Variants in CTNNA2 observed in about 807,000 individuals in gnomAD.
CTNNA2 encodes the protein catenin alpha-2.
Under a neutral mutation model 101.0 loss-of-function variants are expected in CTNNA2, and 42 were observed. That is an observed-to-expected ratio of 0.42 (90% CI 0.32 to 0.54). CTNNA2 has a LOEUF of 0.54. Among genes scored for constraint, CTNNA2 ranks in the 20% least tolerant of loss-of-function variants. The pLI, the probability that CTNNA2 is intolerant of heterozygous loss-of-function variation, is 0.14. For missense variants in CTNNA2, 871 were observed against 1,223.1 expected (o/e 0.71, Z 4.29); for synonymous variants, 450 against 456.4 (o/e 0.99, Z 0.18).
At chr2:80,521,612 C>T (rs1013900556) in intron 9 of CTNNA2, among the ~76,000 whole-genome samples, 3 of 152,134 alleles carry the variant, frequency 2.0e-5, no homozygotes, top group African/African-American at 7.2e-5. Flanking sequence ...GAGAGAAAGA[C>T]TTCACTAGCC....
intron 6 of CTNNA2, among the ~76,000 whole-genome samples, chr2:79,880,816 C>T (rs1683371634): frequency 6.6e-6 from 1 of 151,620 alleles, no homozygotes. Flanking sequence ...GTCTCTGTCT[C>T]CTTCAATTCT....
intron 8 of CTNNA2, among the ~76,000 whole-genome samples, chr2:80,403,229 C>T (rs1992632): frequency 0.55 from 84,207 of 152,040 alleles, 26,982 homozygotes; most frequent in African/African-American, 0.88. Flanking sequence ...TCATCATGGA[C>T]GAACCTCTTG....
intron 2 of CTNNA2, among the ~76,000 whole-genome samples, chr2:79,687,175 TTG>T (rs1683986376): frequency 6.6e-6 from 1 of 152,016 alleles, no homozygotes; most frequent in East Asian, 1.9e-4. Context: ...AGAGTGTTGG[TTG>T]AATAAAATGT....
intron 9 of CTNNA2, among the ~76,000 whole-genome samples, chr2:80,487,141 C>T (rs906795496): frequency 3.3e-5 from 5 of 151,858 alleles, no homozygotes; most frequent in Non-Finnish European, 7.4e-5. Flanking sequence ...ATTAGCCGGG[C>T]GTGGTGGTGC....
At position 79,758,648 on chromosome 2, in the gene CTNNA2, C is replaced by T. The variant is rs539817823; in HGVS notation, c.298+14066C>T. On this transcript the variant is annotated intron_variant, in intron 3 of 18. Coordinates refer to ENST00000402739, the MANE Select transcript of CTNNA2 (RefSeq NM_001282597.3). ...TGTCTATTGTCACCATCTTTATGTC[C>T]ATCAGTATGCAATGTTTAGCTCCCA... Among the ~76,000 whole-genome samples the T allele has an allele frequency of 2.6e-5, 4 of 152,222 alleles. No individual in the cohort carries two copies. In the South Asian group the frequency reaches 8.3e-4, roughly 32 times the overall value.
chr2:80,394,247 G>C (rs1327889529), intron 8 of CTNNA2, among the ~76,000 whole-genome samples: 3 of 152,198 alleles, frequency 2.0e-5, no homozygotes, highest in African/African-American at 7.2e-5. Context: ...CAAGAGGCCT[G>C]GGCGAGAATG....
At chr2:80,240,706 A>G (rs565695847) in intron 7 of CTNNA2, among the ~76,000 whole-genome samples, 13 of 152,252 alleles carry the variant, frequency 8.5e-5, no homozygotes, top group Non-Finnish European at 1.9e-4. Flanking sequence ...ATTTATAGGT[A>G]TAGAGGCAAG....
intron 9 of CTNNA2, among the ~76,000 whole-genome samples, chr2:80,534,962 A>C (rs968235874): frequency 2.0e-5 from 3 of 152,228 alleles, no homozygotes; most frequent in Admixed American, 6.5e-5. Context: ...CAACAACATT[A>C]GGGAATCTTA....
chr2:79,689,309 G>A (rs1244778794), intron 2 of CTNNA2, among the ~76,000 whole-genome samples: 1 of 151,850 alleles, frequency 6.6e-6, no homozygotes, highest in African/African-American at 2.4e-5. Flanking sequence ...AAATAGACAT[G>A]GTTAAAGGCA....
intron 7 of CTNNA2, among the ~76,000 whole-genome samples, chr2:80,120,173 A>G (rs1333001497): frequency 6.6e-6 from 1 of 152,230 alleles, no homozygotes; most frequent in Non-Finnish European, 1.5e-5. Context: ...TCCTTTCACA[A>G]CTAAATTGAC....
At chr2:80,097,289 T>C (rs1033313614) in intron 7 of CTNNA2, among the ~76,000 whole-genome samples, 1 of 152,198 alleles carries the variant, frequency 6.6e-6, no homozygotes, top group African/African-American at 2.4e-5. Flanking sequence ...GGATGTGAAA[T>C]TCTGGGTTGA....
At chr2:79,316,955 A>G (rs1040600550) in intron 3 of CTNNA2, among the ~76,000 whole-genome samples, 11 of 151,986 alleles carry the variant, frequency 7.2e-5, no homozygotes, top group Non-Finnish European at 1.6e-4. Flanking sequence ...AAAAAAGCAG[A>G]CGTTCATGTC....
At chr2:80,239,517 TTTTTTTTCTATACACTA>T (rs1709730275) in intron 7 of CTNNA2, among the ~76,000 whole-genome samples, 1 of 152,016 alleles carries the variant, frequency 6.6e-6, no homozygotes, top group Non-Finnish European at 1.5e-5. Flanking sequence ...TAGTACACTG[TTTTTTTTCTATACACTA>T]TTTTTTTCTA....
At chr2:79,501,574 T>C (rs1558683143) in intron 4 of CTNNA2, among the ~76,000 whole-genome samples, 1 of 152,166 alleles carries the variant, frequency 6.6e-6, no homozygotes, top group Admixed American at 6.5e-5. Flanking sequence ...TGCACTAGAT[T>C]GCTTATAGAA....
chr2:79,327,508 T>G lies in CTNNA2; in HGVS notation c.-318+14712T>G, dbSNP rs557803140. 5.9e-5 allele frequency among the ~76,000 whole-genome samples: 9 copies of G among 152,306 alleles called. No individual in the cohort carries two copies. The South Asian group carries it at 1.9e-3, about 32-fold the overall frequency. Reference sequence around the variant, plus strand: ...GGCTATTGAAAAATGAAAGAAAAATTTAATTTCATTAGATATCCAACATAC... The same window carrying G: ...GGCTATTGAAAAATGAAAGAAAAATGTAATTTCATTAGATATCCAACATAC... On this transcript the variant is annotated intron_variant, in intron 3 of 21. Transcript: ENST00000466387.
In CTNNA2 at chr2:80,095,618, G is replaced by A. The variant is rs192365103; in HGVS notation, c.1056+185821G>A. 7.4e-4 allele frequency among the ~76,000 whole-genome samples: 113 copies of A among 152,310 alleles called. No homozygotes were observed. The East Asian group carries it at 0.02, about 28-fold the overall frequency. ...TGTACCTCTAGTAGAATTTGGCTGT[G>A]AATCCGTCTGGTCCTGGACTTTTTT... is the stretch of plus-strand genomic sequence containing the variant. On this transcript the variant is annotated intron_variant, in intron 7 of 18. Coordinates refer to ENST00000402739, the MANE Select transcript of CTNNA2 (RefSeq NM_001282597.3).
chr2:79,739,016 T>C (rs1671093540), intron 2 of CTNNA2, among the ~76,000 whole-genome samples: 1 of 152,128 alleles, frequency 6.6e-6, no homozygotes, highest in African/African-American at 2.4e-5. Flanking sequence ...GCTCCATCTT[T>C]ACATATGTCA....
intron 9 of CTNNA2, among the ~76,000 whole-genome samples, chr2:80,444,444 A>T (rs1032418945): frequency 1.3e-5 from 2 of 152,152 alleles, no homozygotes; most frequent in African/African-American, 4.8e-5. Flanking sequence ...TTTCCTTCCT[A>T]ATACCTTAAT....
At chr2:79,800,563 C>T (rs1676074453) in intron 3 of CTNNA2, among the ~76,000 whole-genome samples, 1 of 152,014 alleles carries the variant, frequency 6.6e-6, no homozygotes, top group African/African-American at 2.4e-5. Context: ...GGAAGATGAC[C>T]GGTGTCTTGG....
Sources: gnomAD v4.1 joint callset for allele counts (sites outside exome capture counted in the v4.1 genomes callset) on GRCh38, gnomAD v4.1.1 for gene constraint, MANE v1.5 for transcripts, NCBI Gene and HGNC (gene_info 2026-07-23, HGNC 2026-07-21) for gene names.